Variants in CHCHD6 observed in about 807,000 individuals in gnomAD.
CHCHD6 encodes the protein MICOS complex subunit MIC25.
A neutral mutation model predicts 32.3 loss-of-function variants in CHCHD6; 28 were observed. That is an observed-to-expected ratio of 0.87 (90% CI 0.64 to 1.19). The LOEUF is 1.19. Among genes scored for constraint, CHCHD6 ranks in the 50% most tolerant of loss-of-function variants. The pLI is 0.00. For missense variants in CHCHD6, 333 were observed against 307.0 expected (o/e 1.08, Z -0.63); for synonymous variants, 122 against 117.5 (o/e 1.04, Z -0.25).
chr3:126,867,269 A>G (rs1013727222), intron 5 of CHCHD6, among the ~76,000 whole-genome samples: 7 of 152,188 alleles, frequency 4.6e-5, no homozygotes, highest in East Asian at 1.9e-4. Flanking sequence ...CATTTCCTCC[A>G]TTATTGTTGC....
At chr3:126,824,015 C>CA (rs1179997396) in intron 4 of CHCHD6, among the ~76,000 whole-genome samples, 2 of 152,138 alleles carry the variant, frequency 1.3e-5, no homozygotes, top group Non-Finnish European at 2.9e-5. Context: ...TTTGAGGCTA[C>CA]AGTGAGCTAT....
Position 126,797,857 on chromosome 3 carries a change from T to C in CHCHD6, c.412-54790T>C, listed in dbSNP as rs185748111. 9.9e-4 allele frequency among the ~76,000 whole-genome samples: 150 copies of C among 152,062 alleles called. 1 individual carries two copies. The highest frequency in any genetic ancestry group is 3.4e-3 in the African/African-American group (140 of 41,472). On this transcript the variant is annotated intron_variant, in intron 4 of 7. Transcript: ENST00000290913. ...GCACACCAAGCTCTCCCCCATGGTG[T>C]GGTGTGTCTGCGTGAAAAGGAAGAA... is the stretch of plus-strand genomic sequence containing the variant.
chr3:126,957,800 G>A (rs747641970), intron 7 of CHCHD6: 24 of 576,682 alleles, frequency 4.2e-5, no homozygotes, highest in Non-Finnish European at 6.9e-5. Context: ...TGCCCTATTA[G>A]GCTGGGTGGG....
chr3:126,831,860 G>A (rs1940658617), intron 4 of CHCHD6, among the ~76,000 whole-genome samples: 1 of 152,220 alleles, frequency 6.6e-6, no homozygotes, highest in Non-Finnish European at 1.5e-5. Flanking sequence ...GGTCTCAGGT[G>A]AGCAGTGAGC....
chr3:126,820,062 G>A (rs1400681613), intron 4 of CHCHD6, among the ~76,000 whole-genome samples: 1 of 152,118 alleles, frequency 6.6e-6, no homozygotes, highest in East Asian at 1.9e-4. Flanking sequence ...TCTCATTGAT[G>A]CCTCTAGAGG....
chr3:126,706,628 C>A (rs557783613), intron 1 of CHCHD6, among the ~76,000 whole-genome samples: 3 of 152,068 alleles, frequency 2.0e-5, no homozygotes, highest in East Asian at 2.0e-4. Context: ...GGTGCACAGC[C>A]CCACGTTATG....
chr3:126,950,872 T>A (rs1051656831), intron 6 of CHCHD6, among the ~76,000 whole-genome samples: 1 of 152,080 alleles, frequency 6.6e-6, no homozygotes, highest in African/African-American at 2.4e-5. Flanking sequence ...CATACCATTG[T>A]TGGGAAGGGA....
chr3:126,941,968 T>C (rs1472045259), intron 6 of CHCHD6, among the ~76,000 whole-genome samples: 2 of 152,230 alleles, frequency 1.3e-5, no homozygotes, highest in East Asian at 1.9e-4. Context: ...GAATCTGTCA[T>C]GCATCATCAG....
intron 4 of CHCHD6, among the ~76,000 whole-genome samples, chr3:126,807,553 C>T (rs575430482): frequency 6.6e-4 from 101 of 152,054 alleles, no homozygotes; most frequent in Admixed American, 2.0e-3. Flanking sequence ...GGTCAAGCAT[C>T]CAAACAGTAG....
At chr3:126,800,924 C>T (rs982334453) in intron 4 of CHCHD6, among the ~76,000 whole-genome samples, 1 of 152,126 alleles carries the variant, frequency 6.6e-6, no homozygotes, top group Non-Finnish European at 1.5e-5. Flanking sequence ...ATCACCCTAC[C>T]AATTGACAAA....
intron 5 of CHCHD6, among the ~76,000 whole-genome samples, chr3:126,910,262 C>T (rs1427999963): frequency 4.2e-5 from 1 of 23,632 alleles, no homozygotes; most frequent in African/African-American, 6.9e-5. Flanking sequence ...AGGAGCAAGG[C>T]CCTGCCTCAG....
chr3:126,708,774 T>C (rs1934622488), intron 1 of CHCHD6, among the ~76,000 whole-genome samples: 1 of 152,112 alleles, frequency 6.6e-6, no homozygotes, highest in Non-Finnish European at 1.5e-5. Context: ...AATCCAATTA[T>C]AGAACATTTA....
At chr3:126,846,716 T>C (rs1424452147) in intron 4 of CHCHD6, among the ~76,000 whole-genome samples, 1 of 152,236 alleles carries the variant, frequency 6.6e-6, no homozygotes, top group African/African-American at 2.4e-5. Context: ...TTTAACATAT[T>C]AATCATAGTT....
intron 4 of CHCHD6, chr3:126,767,235 T>A: frequency 6.7e-7 from 1 of 1,481,796 alleles, no homozygotes; most frequent in Non-Finnish European, 9.4e-7. Context: ...TTGTATATTA[T>A]CTGTGCGGGG....
chr3:126,901,621 TGA>T (rs1438016909), intron 5 of CHCHD6, among the ~76,000 whole-genome samples: 3 of 152,216 alleles, frequency 2.0e-5, no homozygotes, highest in African/African-American at 7.2e-5. Context: ...ATAATATGTG[TGA>T]GAGAGGAGGC....
At chr3:126,707,728 A>G (rs1033768804) in intron 1 of CHCHD6, among the ~76,000 whole-genome samples, 1 of 152,172 alleles carries the variant, frequency 6.6e-6, no homozygotes, top group African/African-American at 2.4e-5. Flanking sequence ...CATTGCTCCC[A>G]TGAGGCTGAT....
chr3:126,728,421 G>C (rs1199871385), intron 2 of CHCHD6, among the ~76,000 whole-genome samples: 4 of 152,214 alleles, frequency 2.6e-5, no homozygotes, highest in African/African-American at 9.6e-5. Flanking sequence ...GTGCATCCCA[G>C]CCTGCTCGGG....
intron 4 of CHCHD6, among the ~76,000 whole-genome samples, chr3:126,787,916 G>C (rs1414773615): frequency 3.3e-5 from 5 of 152,152 alleles, no homozygotes; most frequent in Non-Finnish European, 5.9e-5. Flanking sequence ...TTTTCAAAGG[G>C]AATGCTTCCA....
intron 5 of CHCHD6, among the ~76,000 whole-genome samples, chr3:126,855,461 A>C (rs1941632067): frequency 6.6e-6 from 1 of 152,220 alleles, no homozygotes; most frequent in Non-Finnish European, 1.5e-5. Context: ...TCCCTGGTGC[A>C]CAGCAGTACT....
Sources: allele counts gnomAD v4.1 joint callset (sites outside exome capture counted in the v4.1 genomes callset), GRCh38; gene constraint gnomAD v4.1.1; transcripts MANE v1.5; gene names NCBI Gene and HGNC (gene_info 2026-07-23, HGNC 2026-07-21).